The following PLEKHA2 variants were observed in gnomAD, a reference collection of about 807,000 sequenced individuals.
PLEKHA2 encodes pleckstrin homology domain containing A2.
PLEKHA2 carries 28 observed loss-of-function variants against 53.2 expected under a neutral mutation model. That is an observed-to-expected ratio of 0.53 (90% CI 0.39 to 0.72). The LOEUF (loss-of-function observed/expected upper bound fraction) is 0.72. Ranked by LOEUF, PLEKHA2 falls within the 30% of genes least tolerant of loss-of-function variation. The pLI is 0.00. For missense variants in PLEKHA2, 426 were observed against 537.9 expected, an observed-to-expected ratio of 0.79 and a Z score of 2.06; for synonymous variants, 193 against 196.4, an observed-to-expected ratio of 0.98 and a Z score of 0.14.
intron 2 of PLEKHA2, among the ~76,000 whole-genome samples, chr8:38,933,911 A>T (rs558239306): frequency 1.3e-4 from 20 of 152,154 alleles, no homozygotes; most frequent in African/African-American, 4.8e-4. Context: ...TCCTTAGCTT[A>T]CTGCCTCATT....
At chr8:38,906,939 G>A (rs1833885839) in intron 1 of PLEKHA2, among the ~76,000 whole-genome samples, 1 of 152,144 alleles carries the variant, frequency 6.6e-6, no homozygotes, top group South Asian at 2.1e-4. Context: ...CTCAGTTCCT[G>A]TCTGCTGTAT....
intron 1 of PLEKHA2, among the ~76,000 whole-genome samples, chr8:38,904,137 C>T (rs1833835232): frequency 6.6e-6 from 1 of 152,134 alleles, no homozygotes; most frequent in South Asian, 2.1e-4. Flanking sequence ...GGGATGCGGC[C>T]CCATCCTGTC....
intron 1 of PLEKHA2, among the ~76,000 whole-genome samples, chr8:38,907,002 C>A (rs1025918341): frequency 2.0e-5 from 3 of 152,184 alleles, no homozygotes; most frequent in African/African-American, 7.2e-5. Context: ...AAACTTTCTC[C>A]TGTTACCCAG....
intron 2 of PLEKHA2, among the ~76,000 whole-genome samples, chr8:38,933,800 G>GAA (rs1489272296): frequency 1.4e-5 from 1 of 71,400 alleles, no homozygotes; most frequent in South Asian, 4.3e-4. Flanking sequence ...AAAAAGAAAA[G>GAA]AAAGAAAAGC....
intron 10 of PLEKHA2, among the ~76,000 whole-genome samples, chr8:38,958,052 C>CGGT (rs1834973501): frequency 6.6e-6 from 1 of 152,120 alleles, no homozygotes; most frequent in African/African-American, 2.4e-5. Context: ...TGGCCAGGCG[C>CGGT]GGTGGCTCAT....
At chr8:38,963,175 C>T (rs189323955) in intron 10 of PLEKHA2, among the ~76,000 whole-genome samples, 298 of 152,278 alleles carry the variant, frequency 2.0e-3, no homozygotes, top group Non-Finnish European at 3.2e-3. Flanking sequence ...CAGGCTGCAA[C>T]GATTCATTTT....
At position 38,972,050 on chromosome 8, in the gene PLEKHA2, A is replaced by C. The variant is rs1263843568; in HGVS notation, c.*2267A>C. 1.3e-5 allele frequency: 2 copies of C among 152,256 alleles called. No individual in the cohort carries two copies. Among genetic ancestry groups the C allele is most frequent in the African/African-American group, 4.8e-5 (2 of 41,478 alleles). 9.4% of individuals were successfully genotyped at this position (152,256 alleles called of 1,614,324 possible). On this transcript the variant is annotated 3_prime_UTR_variant, in exon 12 of 12. Transcript: ENST00000617275. Reference sequence around the variant, plus strand: ...AAGATCTCTTTTGAGAATGTGACAAATTAAACATACATAGAATCCATATGG... The same window carrying C: ...AAGATCTCTTTTGAGAATGTGACAACTTAAACATACATAGAATCCATATGG...
chr8:38,963,282 A>G (rs761485795), intron 10 of PLEKHA2, among the ~76,000 whole-genome samples: 6 of 152,192 alleles, frequency 3.9e-5, no homozygotes, highest in Non-Finnish European at 5.9e-5. Flanking sequence ...GCACACACAT[A>G]AGCACACCAG....
chr8:38,908,054 T>C (rs1409680440), intron 1 of PLEKHA2, among the ~76,000 whole-genome samples: 1 of 152,074 alleles, frequency 6.6e-6, no homozygotes, highest in Non-Finnish European at 1.5e-5. Flanking sequence ...TCTCCCAAGT[T>C]TCAAGAAGGA....
intron 4 of PLEKHA2, 28 bp downstream of exon 4, chr8:38,943,865 AT>A: frequency 6.5e-7 from 1 of 1,547,438 alleles, no homozygotes; most frequent in Non-Finnish European, 8.7e-7. Flanking sequence ...GGAGGGACTC[AT>A]TTAATATTGA....
chr8:38,917,791 C>A, intron 1 of PLEKHA2, 116 bp from the exon 2 acceptor site: 1 of 1,188,898 alleles, frequency 8.4e-7, no homozygotes, highest in Non-Finnish European at 1.2e-6. Context: ...CATTTGGTGC[C>A]CCCACGGAAG....
chr8:38,911,430 T>G (rs1222797861), intron 1 of PLEKHA2, among the ~76,000 whole-genome samples: 1 of 151,978 alleles, frequency 6.6e-6, no homozygotes, highest in Non-Finnish European at 1.5e-5. Flanking sequence ...GGAGACAGGG[T>G]TTCACCATGT....
At chr8:38,901,514 T>TGGGGGTGCA (rs1311937974) in intron 1 of PLEKHA2, 69 bp downstream of exon 1, 2 of 149,174 alleles carry the variant, frequency 1.3e-5, no homozygotes, top group Non-Finnish European at 3.0e-5. Flanking sequence ...CTGGCGGGGC[T>TGGGGGTGCA]GGGGGTGCAG....
At chr8:38,930,922 G>C (rs898112590) in intron 2 of PLEKHA2, among the ~76,000 whole-genome samples, 2 of 152,220 alleles carry the variant, frequency 1.3e-5, no homozygotes, top group African/African-American at 4.8e-5. Flanking sequence ...GCAGGTGCCT[G>C]GGTATCCCAG....
At chr8:38,961,650 G>A (rs980419706) in intron 10 of PLEKHA2, among the ~76,000 whole-genome samples, 10 of 152,336 alleles carry the variant, frequency 6.6e-5, no homozygotes, top group Non-Finnish European at 1.3e-4. Flanking sequence ...CCATGCCAAA[G>A]TGTCCTTCTG....
chr8:38,966,092 C>T (rs1339408774), intron 10 of PLEKHA2, among the ~76,000 whole-genome samples: 1 of 152,126 alleles, frequency 6.6e-6, no homozygotes, highest in Non-Finnish European at 1.5e-5. Flanking sequence ...GCAGGCAGAG[C>T]ACACGTTAGA....
At chr8:38,918,493 A>ATGC (rs1834108523) in intron 2 of PLEKHA2, among the ~76,000 whole-genome samples, 2 of 5,116 alleles carry the variant, frequency 3.9e-4, no homozygotes, top group African/African-American at 7.7e-4. Context: ...CCATACACAC[A>ATGC]ACCCATACAC....
chr8:38,935,908 G>T, intron 2 of PLEKHA2, 86 bp from the exon 3 acceptor site: 1 of 1,278,994 alleles, frequency 7.8e-7, no homozygotes. Context: ...CCAGGAAAGT[G>T]GCATAAACAG....
chr8:38,909,013 C>T (rs948314153), intron 1 of PLEKHA2, among the ~76,000 whole-genome samples: 22 of 152,156 alleles, frequency 1.4e-4, no homozygotes, highest in Admixed American at 4.6e-4. Flanking sequence ...CGTGGTGGTG[C>T]ACGCCTGTAG....
Sources: allele counts gnomAD v4.1 joint callset (sites outside exome capture counted in the v4.1 genomes callset), GRCh38; gene constraint gnomAD v4.1.1; transcripts MANE v1.5; gene names NCBI Gene and HGNC (gene_info 2026-07-23, HGNC 2026-07-21).